The following KCNQ1 variants were observed in gnomAD, a reference collection of about 807,000 sequenced individuals.
The protein encoded by KCNQ1 is potassium voltage-gated channel subfamily Q member 1.
KCNQ1 carries 49 observed loss-of-function variants against 72.4 expected under a neutral mutation model. That is an observed-to-expected ratio of 0.68 (90% CI 0.54 to 0.86). KCNQ1 has a LOEUF of 0.86. KCNQ1 is among the 40% of genes least tolerant of loss of function. The probability of loss-of-function intolerance (pLI) is 0.00; values close to 1 mark genes in which losing one functional copy is unlikely to be tolerated. For missense variants in KCNQ1, 790 were observed against 945.1 expected, an observed-to-expected ratio of 0.84 and a Z score of 2.15; for synonymous variants, 450 against 412.6, an observed-to-expected ratio of 1.09 and a Z score of -1.10.
rs1443982554 is a variant in KCNQ1 at position 2,535,161 on chromosome 11, CAG to C, written c.477+7146_477+7147del. On this transcript the variant is annotated intron_variant, in intron 2 of 15. Coordinates refer to ENST00000155840, the MANE Select transcript of KCNQ1 (RefSeq NM_000218.3). ...CTGCCTGGAGCCCACCCCAGGGAGA[CAG>C]AGGCTCTCGGAGCCTGTTCAGGGTG... Among the ~76,000 whole-genome samples the C allele has an allele frequency of 5.3e-5, 8 of 152,346 alleles. No individual in the cohort carries two copies. The South Asian group carries it at 1.0e-3, about 20-fold the overall frequency.
chr11:2,793,997 A>C (rs1342167819), intron 15 of KCNQ1, among the ~76,000 whole-genome samples: 2 of 152,188 alleles, frequency 1.3e-5, no homozygotes, highest in African/African-American at 4.8e-5. Flanking sequence ...CAGTGTGTGC[A>C]GCCTTGCAAA....
chr11:2,691,038 G>A lies in KCNQ1; in HGVS notation c.1514+28957G>A. 1 of 398,658 alleles carries A rather than the reference G, an allele frequency of 2.5e-6. No individual in the cohort carries two copies. The highest frequency in any genetic ancestry group is 1.3e-4 in the South Asian group (1 of 7,854). The allele number at this position is 398,658 out of a possible 1,614,324, so 24.7% of individuals were successfully genotyped here. A position where few individuals can be genotyped will look rare whatever the true frequency, so the allele number is the denominator to read the frequency against. On this transcript the variant is annotated intron_variant, in intron 11 of 15. Transcript: ENST00000155840. This position sits in a 1 kb window ranked among gnomAD's most constrained non-coding sequence, Gnocchi z 6.4. ...GGTGAACTCTTGGCTCAGGTATCAGGATATGCTGGGTGAGGGAAATAATGG... is the reference window on the plus strand; with the variant it reads ...GGTGAACTCTTGGCTCAGGTATCAGAATATGCTGGGTGAGGGAAATAATGG...
rs1049209010 is a variant in KCNQ1 at position 2,848,303 on chromosome 11, A to G, written c.*300A>G. 3.2e-6 allele frequency: 2 copies of G among 620,698 alleles called. No homozygotes were observed. The highest frequency in any genetic ancestry group is 6.2e-5 in the East Asian group (2 of 32,124). 38.4% of individuals were successfully genotyped at this position (620,698 alleles called of 1,614,324 possible). On this transcript the variant is annotated 3_prime_UTR_variant, in exon 16 of 16. Transcript: ENST00000155840. ...GGCATGGTGGTTGGGACCCAGTGGC[A>G]GGGCACAGGGCCTGGCCCATGTATG...
chr11:2,692,626 C>A, intron 11 of KCNQ1: 2 of 398,716 alleles, frequency 5.0e-6, no homozygotes, highest in Non-Finnish European at 8.8e-6. Flanking sequence ...ACCTGCTGTG[C>A]TCCCAGGCCT....
rs1025798540 is a variant in KCNQ1, at chr11:2,645,062, G to A, written c.1394-16899G>A. On this transcript the variant is annotated intron_variant, in intron 10 of 15. Coordinates refer to ENST00000155840, the MANE Select transcript of KCNQ1 (RefSeq NM_000218.3). The surrounding 1 kb of genome is among the most constrained non-coding windows in gnomAD (Gnocchi z 5.8). Reference sequence around the variant, plus strand: ...ACTTGCTCAGGTGCCAATGATGACAGAGCTGGGCCACAGGGTGGGTAGGTC... The same window carrying A: ...ACTTGCTCAGGTGCCAATGATGACAAAGCTGGGCCACAGGGTGGGTAGGTC... 1 of 398,686 alleles carries A rather than the reference G, an allele frequency of 2.5e-6. No individual in the cohort carries two copies. Among genetic ancestry groups the A allele is most frequent in the African/African-American group, 2.1e-5 (1 of 48,646 alleles). 24.7% of individuals were successfully genotyped at this position (398,686 alleles called of 1,614,324 possible). A position where few individuals can be genotyped will look rare whatever the true frequency, so the allele number is the denominator to read the frequency against.
chr11:2,691,159 T>C lies in KCNQ1; in HGVS notation c.1514+29078T>C, dbSNP rs1029777364. The stretch of plus-strand genomic sequence containing the variant: ...AGAGTCTGTGCTGGCCTCTGGCCTC[T>C]CACAGCCTTGGGAGGGGTGCTCAGA... On this transcript the variant is annotated intron_variant, in intron 11 of 15. Transcript: ENST00000155840. The surrounding 1 kb of genome is among the most constrained non-coding windows in gnomAD (Gnocchi z 6.4). 2.0e-5 allele frequency: 8 copies of C among 398,526 alleles called. No homozygotes were observed. The highest frequency in any genetic ancestry group is 3.5e-5 in the Non-Finnish European group (8 of 226,106). The allele number at this position is 398,526 out of a possible 1,614,324, so 24.7% of individuals were successfully genotyped here.
intron 2 of KCNQ1, among the ~76,000 whole-genome samples, chr11:2,554,097 GGC>G (rs1848034123): frequency 6.6e-6 from 1 of 152,138 alleles, no homozygotes; most frequent in African/African-American, 2.4e-5. Flanking sequence ...CGCTCACGAG[GGC>G]GTCACCTGCC....
intron 8 of KCNQ1, 40 bp downstream of exon 8, chr11:2,585,347 CA>C: frequency 6.4e-7 from 1 of 1,564,584 alleles, no homozygotes; most frequent in Non-Finnish European, 8.8e-7. Flanking sequence ...TCATTTTGGT[CA>C]CTGTTATTGT....
Position 2,674,207 on chromosome 11 carries a change from GT to G in KCNQ1, c.1514+12131del, listed in dbSNP as rs901682875. On this transcript the variant is annotated intron_variant, in intron 11 of 15. Transcript: ENST00000155840. The surrounding 1 kb of genome is among the most constrained non-coding windows in gnomAD (Gnocchi z 5.9). ...CTGGGGAGAGCACAGCCAGTTGTGG[GT>G]TTTTCTTGGGGCCCAGATAGATGTG... 2.5e-6 allele frequency: 1 copy of G among 398,648 alleles called. No individual in the cohort carries two copies. The highest frequency in any genetic ancestry group is 4.4e-6 in the Non-Finnish European group (1 of 226,122). 24.7% of individuals were successfully genotyped at this position (398,648 alleles called of 1,614,324 possible).
At chr11:2,721,218 C>T (rs1851197005) in intron 11 of KCNQ1, among the ~76,000 whole-genome samples, 1 of 152,168 alleles carries the variant, frequency 6.6e-6, no homozygotes. Context: ...GCAGCATCCA[C>T]GACTAATTTC....
chr11:2,464,198 G>A lies in KCNQ1; in HGVS notation c.386+18714G>A, dbSNP rs1005547461. ...GTGGGCCGCAGGCGCTCCCTGGGCCGGAACACATGGACGTCCAGGTGTGGA... is the reference window on the plus strand; with the variant it reads ...GTGGGCCGCAGGCGCTCCCTGGGCCAGAACACATGGACGTCCAGGTGTGGA... On this transcript the variant is annotated intron_variant, in intron 1 of 15. Coordinates refer to ENST00000155840, the MANE Select transcript of KCNQ1 (RefSeq NM_000218.3). This position sits in a 1 kb window ranked among gnomAD's most constrained non-coding sequence, Gnocchi z 5.0. Among the ~76,000 whole-genome samples, 6 of 152,278 alleles carry A rather than the reference G, an allele frequency of 3.9e-5. No homozygotes were observed. In the South Asian group the frequency reaches 8.3e-4, roughly 21 times the overall value.
Position 2,620,992 on chromosome 11 carries a change from T to G in KCNQ1, c.1393+32138T>G. On this transcript the variant is annotated intron_variant, in intron 10 of 15. Coordinates refer to ENST00000155840, the MANE Select transcript of KCNQ1 (RefSeq NM_000218.3). The surrounding 1 kb of genome is among the most constrained non-coding windows in gnomAD (Gnocchi z 4.5). ...TTGCTTTTTTGTTTGTTTGTTTGTTTTTTGAGAAAGAGTCTTGCTCTGTCT... is the reference window on the plus strand; with the variant it reads ...TTGCTTTTTTGTTTGTTTGTTTGTTGTTTGAGAAAGAGTCTTGCTCTGTCT... The G allele has an allele frequency of 2.5e-6, 1 of 397,856 alleles. No individual in the cohort carries two copies. Among genetic ancestry groups the G allele is most frequent in the Non-Finnish European group, 4.4e-6 (1 of 226,036 alleles). 24.6% of individuals were successfully genotyped at this position (397,856 alleles called of 1,614,324 possible). A position where few individuals can be genotyped will look rare whatever the true frequency, so the allele number is the denominator to read the frequency against.
intron 11 of KCNQ1, among the ~76,000 whole-genome samples, chr11:2,731,832 A>G (rs191671474): frequency 1.3e-5 from 2 of 152,354 alleles, no homozygotes; most frequent in Admixed American, 1.3e-4. Context: ...TCACTCAGCT[A>G]GAGCGTCTGA....
rs1011077828 is a variant in KCNQ1, at chr11:2,583,557, G to A, written c.1032+12G>A. ...TTGCGCTCCCAGCGGTAGGTGCCCC[G>A]TGGGTGCGTTTTCCCTGGCTCCTTG... On this transcript the variant is annotated intron_variant, in intron 7 of 15. Coordinates refer to ENST00000155840, the MANE Select transcript of KCNQ1 (RefSeq NM_000218.3). The A allele has an allele frequency of 1.4e-5, 22 of 1,588,962 alleles. No homozygotes were observed. The highest frequency in any genetic ancestry group is 1.7e-4 in the Middle Eastern group (1 of 6,032).
rs948764113 is a variant in KCNQ1, at chr11:2,687,069, G to C, written c.1514+24988G>C. The C allele has an allele frequency of 2.5e-6, 1 of 398,528 alleles. No homozygotes were observed. Among genetic ancestry groups the C allele is most frequent in the Non-Finnish European group, 4.4e-6 (1 of 226,086 alleles). The allele number at this position is 398,528 out of a possible 1,614,324, so 24.7% of individuals were successfully genotyped here. A position where few individuals can be genotyped will look rare whatever the true frequency, so the allele number is the denominator to read the frequency against. On this transcript the variant is annotated intron_variant, in intron 11 of 15. Coordinates refer to ENST00000155840, the MANE Select transcript of KCNQ1 (RefSeq NM_000218.3). The surrounding 1 kb of genome is among the most constrained non-coding windows in gnomAD (Gnocchi z 5.0). Reference sequence around the variant, plus strand: ...TCTGGGGGACAAGGACCCACAAAGTGATGCAAGATATCCTGAGTTGGGTGT... The same window carrying C: ...TCTGGGGGACAAGGACCCACAAAGTCATGCAAGATATCCTGAGTTGGGTGT...
In KCNQ1 at chr11:2,602,819, T is replaced by C. The variant is rs1222512403; in HGVS notation, c.1393+13965T>C. On this transcript the variant is annotated intron_variant, in intron 10 of 15. Coordinates refer to ENST00000155840, the MANE Select transcript of KCNQ1 (RefSeq NM_000218.3). This position sits in a 1 kb window ranked among gnomAD's most constrained non-coding sequence, Gnocchi z 4.8. Reference sequence around the variant, plus strand: ...GGAGATGTTTATATATTCTAGATACTTATCTTAAGTCAGAAACAGGGTGCA... The same window carrying C: ...GGAGATGTTTATATATTCTAGATACCTATCTTAAGTCAGAAACAGGGTGCA... Among the ~76,000 whole-genome samples, 2 of 152,154 alleles carry C rather than the reference T, an allele frequency of 1.3e-5. No individual in the cohort carries two copies. The highest frequency in any genetic ancestry group is 4.8e-5 in the African/African-American group (2 of 41,470).
chr11:2,618,306 G>C, intron 10 of KCNQ1: 2 of 398,450 alleles, frequency 5.0e-6, no homozygotes, highest in Non-Finnish European at 8.8e-6. Flanking sequence ...CAGCTGATGG[G>C]CTAAAAAAAT....
intron 15 of KCNQ1, among the ~76,000 whole-genome samples, chr11:2,820,221 A>G (rs1252861499): frequency 6.6e-6 from 1 of 152,192 alleles, no homozygotes; most frequent in Non-Finnish European, 1.5e-5. Flanking sequence ...ACTTCTCCAA[A>G]TACCCTATAG....
intron 10 of KCNQ1, chr11:2,643,778 G>A (rs966851910): frequency 7.5e-6 from 3 of 398,450 alleles, no homozygotes; most frequent in African/African-American, 2.1e-5. Context: ...TAGTGCCAGT[G>A]TAGTGGCAAT....
Sources: allele counts gnomAD v4.1 joint callset (sites outside exome capture counted in the v4.1 genomes callset), GRCh38; gene constraint gnomAD v4.1.1; non-coding constraint Gnocchi (gnomAD v3.1); transcripts MANE v1.5; gene names NCBI Gene and HGNC (gene_info 2026-07-23, HGNC 2026-07-21).